CDC42SE2: variants seen among roughly 807,000 people sequenced by gnomAD.
CDC42SE2 encodes the protein CDC42 small effector 2.
In CDC42SE2, 3 loss-of-function variants were observed where a neutral mutation model predicts 11.5. That is an observed-to-expected ratio of 0.26 (90% CI 0.12 to 0.67). The LOEUF (loss-of-function observed/expected upper bound fraction) is 0.67, where lower values mean the gene tolerates loss of function less well. CDC42SE2 is among the 30% of genes least tolerant of loss of function. The pLI, the probability that CDC42SE2 is intolerant of heterozygous loss-of-function variation, is 0.80. For synonymous variants in CDC42SE2, 33 were observed against 34.8 expected (o/e 0.95, Z 0.18); for missense variants, 82 against 106.8 (o/e 0.77, Z 1.02).
At chr5:131,289,108 A>G (rs1757399397) in intron 1 of CDC42SE2, among the ~76,000 whole-genome samples, 1 of 152,162 alleles carries the variant, frequency 6.6e-6, no homozygotes, top group South Asian at 2.1e-4. Flanking sequence ...CAAAAGATTT[A>G]GTTTCTGGTG....
chr5:131,350,132 A>G (rs952396037), intron 2 of CDC42SE2, among the ~76,000 whole-genome samples: 6 of 152,050 alleles, frequency 3.9e-5, no homozygotes, highest in Non-Finnish European at 8.8e-5. Context: ...TGGTAAATCA[A>G]CTTGACCTAA....
chr5:131,273,496 C>T (rs1192413267), intron 1 of CDC42SE2, among the ~76,000 whole-genome samples: 15 of 148,502 alleles, frequency 1.0e-4, no homozygotes, highest in African/African-American at 1.7e-4. Flanking sequence ...CTTGGCCAGG[C>T]GCGGTGGCTC....
At chr5:131,324,265 G>A (rs1161620305) in intron 2 of CDC42SE2, among the ~76,000 whole-genome samples, 2 of 152,070 alleles carry the variant, frequency 1.3e-5, no homozygotes, top group Non-Finnish European at 2.9e-5. Flanking sequence ...AGACCTGAAG[G>A]TTCATTACTG....
chr5:131,340,820 G>A (rs1223950866), intron 2 of CDC42SE2, among the ~76,000 whole-genome samples: 1 of 152,030 alleles, frequency 6.6e-6, no homozygotes, highest in Non-Finnish European at 1.5e-5. Context: ...TGGAATTACA[G>A]GCATGTACCA....
chr5:131,328,969 AT>A (rs1758354779), intron 2 of CDC42SE2, among the ~76,000 whole-genome samples: 1 of 152,198 alleles, frequency 6.6e-6, no homozygotes, highest in African/African-American at 2.4e-5. Context: ...ATCTCCTTAG[AT>A]TATAACTCAC....
chr5:131,236,873 A>G, the CDC42SE2 span, among the ~76,000 whole-genome samples: 1 of 152,036 alleles, frequency 6.6e-6, no homozygotes, highest in Non-Finnish European at 1.5e-5. Context: ...CTATTATTTC[A>G]CTTATTTGTC....
intron 1 of CDC42SE2, among the ~76,000 whole-genome samples, chr5:131,270,134 G>A (rs1190220706): frequency 2.6e-5 from 4 of 151,946 alleles, no homozygotes; most frequent in African/African-American, 9.7e-5. Flanking sequence ...CAGCACTTTG[G>A]GAGGCTGAGG....
At chr5:131,257,670 T>G (rs10793812) in intron 2 of CDC42SE2, among the ~76,000 whole-genome samples, 66,772 of 151,280 alleles carry the variant, frequency 0.44, 19,152 homozygotes, top group African/African-American at 0.82. Context: ...TAGAGATGAG[T>G]TTTCACCATG....
At chr5:131,298,425 T>G (rs1757617423) in intron 1 of CDC42SE2, among the ~76,000 whole-genome samples, 1 of 151,568 alleles carries the variant, frequency 6.6e-6, no homozygotes, top group Non-Finnish European at 1.5e-5. Context: ...CCCGGCATCT[T>G]TAAAATATTT....
At chr5:131,314,691 G>A (rs191348787) in intron 1 of CDC42SE2, among the ~76,000 whole-genome samples, 1 of 152,246 alleles carries the variant, frequency 6.6e-6, no homozygotes, top group Non-Finnish European at 1.5e-5. Flanking sequence ...ATCAGAGTTA[G>A]CATAGCCTCT....
chr5:131,369,644 C>G (rs1462335993), intron 3 of CDC42SE2, among the ~76,000 whole-genome samples: 2 of 152,080 alleles, frequency 1.3e-5, no homozygotes, highest in African/African-American at 4.8e-5. Flanking sequence ...TGAAGGTTAG[C>G]CTTGTATTGT....
At chr5:131,339,762 A>G (rs998826504) in intron 2 of CDC42SE2, among the ~76,000 whole-genome samples, 3 of 151,412 alleles carry the variant, frequency 2.0e-5, no homozygotes, top group Non-Finnish European at 4.4e-5. Flanking sequence ...GTGAGCCAAG[A>G]TTGTACCACT....
intron 4 of CDC42SE2, among the ~76,000 whole-genome samples, chr5:131,390,774 A>G (rs1286061485): frequency 1.3e-5 from 2 of 152,248 alleles, no homozygotes; most frequent in African/African-American, 4.8e-5. Flanking sequence ...ATTTGGAAAT[A>G]GAGAAAATAG....
In CDC42SE2 at chr5:131,248,496, A is replaced by C. The variant is rs573259490; in HGVS notation, n.107+2897A>C. ...GATTCCCCTGTCATTTTTTCTGTTT[A>C]ATCTTCATTGGTGGTCCTAACAAGT... On this transcript the variant is annotated intron_variant and non_coding_transcript_variant, in intron 1 of 3. Coordinates refer to the CDC42SE2 transcript ENST00000502840. Among the ~76,000 whole-genome samples, 23 of 152,268 alleles carry C rather than the reference A, an allele frequency of 1.5e-4. No individual in the cohort carries two copies. In the South Asian group the frequency reaches 4.3e-3, roughly 29 times the overall value.
chr5:131,288,021 A>G (rs1431620632), intron 1 of CDC42SE2, among the ~76,000 whole-genome samples: 2 of 152,242 alleles, frequency 1.3e-5, no homozygotes, highest in South Asian at 2.1e-4. Context: ...AGGCAGGTGG[A>G]TCGCATGAGC....
At chr5:131,321,560 T>C (rs529910757) in intron 2 of CDC42SE2, among the ~76,000 whole-genome samples, 1 of 152,292 alleles carries the variant, frequency 6.6e-6, no homozygotes, top group South Asian at 2.1e-4. Context: ...CCGTGATGTA[T>C]AATGCTACAT....
At chr5:131,313,626 A>G (rs1251304888) in intron 1 of CDC42SE2, among the ~76,000 whole-genome samples, 2 of 152,166 alleles carry the variant, frequency 1.3e-5, no homozygotes, top group African/African-American at 2.4e-5. Context: ...TAAGTTGACT[A>G]CATGTGTGTA....
At chr5:131,370,747 C>T (rs1749993271) in intron 3 of CDC42SE2, among the ~76,000 whole-genome samples, 1 of 152,162 alleles carries the variant, frequency 6.6e-6, no homozygotes, top group South Asian at 2.1e-4. Context: ...TCCATCTTTT[C>T]ATGAGGTGGC....
At chr5:131,210,639 A>T in the CDC42SE2 span, among the ~76,000 whole-genome samples, 1 of 152,202 alleles carries the variant, frequency 6.6e-6, no homozygotes, top group Non-Finnish European at 1.5e-5. Context: ...ATCTCTTTGC[A>T]AATCCTTTTG....
Sources: gnomAD v4.1 joint callset for allele counts (sites outside exome capture counted in the v4.1 genomes callset) on GRCh38, gnomAD v4.1.1 for gene constraint, MANE v1.5 for transcripts, NCBI Gene and HGNC (gene_info 2026-07-23, HGNC 2026-07-21) for gene names.